The following NOL4L variants were observed in gnomAD, a reference collection of about 807,000 sequenced individuals.
NOL4L encodes nucleolar protein 4-like.
A neutral mutation model predicts 64.5 loss-of-function variants in NOL4L; 7 were observed. That is an observed-to-expected ratio of 0.11 (90% CI 0.06 to 0.20). The LOEUF is 0.20. NOL4L is among the 10% of genes least tolerant of loss of function. NOL4L has a pLI of 1.00. For missense variants in NOL4L, 680 were observed against 967.1 expected (o/e 0.70, Z 3.94); for synonymous variants, 413 against 401.0 (o/e 1.03, Z -0.36).
chr20:32,569,357 G>A (rs1979625958), intron 1 of NOL4L, among the ~76,000 whole-genome samples: 1 of 152,202 alleles, frequency 6.6e-6, no homozygotes, highest in Admixed American at 6.5e-5. Context: ...AGAAGCCACA[G>A]GAGAGTTTTG....
At chr20:32,582,481 C>T (rs1253629376) in intron 1 of NOL4L, among the ~76,000 whole-genome samples, 1 of 152,088 alleles carries the variant, frequency 6.6e-6, no homozygotes, top group East Asian at 1.9e-4. Flanking sequence ...GGGTGCTCAG[C>T]CTCTACAGCT....
chr20:32,464,877 CCTT>C lies in NOL4L; in HGVS notation c.842-8485_842-8483del, dbSNP rs1331829187. On this transcript the variant is annotated intron_variant, in intron 5 of 10. Coordinates refer to ENST00000621426, the MANE Select transcript of NOL4L (RefSeq NM_001256798.2). The surrounding 1 kb of genome is among the most constrained non-coding windows in gnomAD (Gnocchi z 5.6). ...GTGTTATCAGAGCTGAGATATTTCA[CCTT>C]CTTCTTTCCTACGGAGCCGCTGAGA... 239 of 423,034 alleles carry C rather than the reference CCTT, an allele frequency of 5.6e-4. 1 individual carries two copies. Among genetic ancestry groups the C allele is most frequent in the Middle Eastern group, 1.9e-3 (6 of 3,204 alleles). 26.2% of individuals were successfully genotyped at this position (423,034 alleles called of 1,614,324 possible).
rs1650688864 is a variant in NOL4L at position 32,537,177 on chromosome 20, C to T, written c.322-9264G>A. The T allele has an allele frequency of 8.6e-6, 8 of 932,322 alleles. No individual in the cohort carries two copies. The South Asian group carries it at 4.0e-4, about 46-fold the overall frequency. The allele number at this position is 932,322 out of a possible 1,614,324, so 57.8% of individuals were successfully genotyped here. On this transcript the variant is annotated intron_variant, in intron 1 of 10. Coordinates refer to ENST00000621426, the MANE Select transcript of NOL4L (RefSeq NM_001256798.2). ...AGGCGCCGTGCCAAGCCTGATCTCC[C>T]GTAGTCCTCACAGACCCTCCGCGGT...
At chr20:32,535,695 G>A in intron 1 of NOL4L, 2 of 985,502 alleles carry the variant, frequency 2.0e-6, no homozygotes, top group South Asian at 9.4e-5. Flanking sequence ...CCTCCAAGCA[G>A]CTCTGAGTCT....
intron 4 of NOL4L, among the ~76,000 whole-genome samples, chr20:32,499,738 C>CAAAA (rs10692885): frequency 0.019 from 989 of 51,280 alleles, 83 homozygotes; most frequent in African/African-American, 0.076. Context: ...GACCTTGTCT[C>CAAAA]AAAAAAAAAA....
chr20:32,472,247 G>A (rs139978497), intron 5 of NOL4L, among the ~76,000 whole-genome samples: 84 of 152,338 alleles, frequency 5.5e-4, no homozygotes, highest in African/African-American at 1.9e-3. Context: ...AGCAGGTACC[G>A]ACAATGGGCC....
chr20:32,470,343 G>T (rs534315571), intron 5 of NOL4L, among the ~76,000 whole-genome samples: 2 of 152,246 alleles, frequency 1.3e-5, no homozygotes, highest in Non-Finnish European at 2.9e-5. Context: ...TGCAGGAGGC[G>T]CACTGGCTCA....
At chr20:32,554,342 A>T (rs906752681) in intron 1 of NOL4L, among the ~76,000 whole-genome samples, 2 of 147,204 alleles carry the variant, frequency 1.4e-5, no homozygotes, top group Non-Finnish European at 3.0e-5. Flanking sequence ...AAAAAAAAAA[A>T]GGAATGTATT....
Position 32,445,155 on chromosome 20 carries a change from T to G in NOL4L, c.*2441A>C, listed in dbSNP as rs938525034. ...CAATGGACTTTAACAACATATTCTT[T>G]CCTTTCTCTTGAAAACACATTGAAC... On this transcript the variant is annotated 3_prime_UTR_variant, in exon 11 of 11. Transcript: ENST00000621426. The G allele has an allele frequency of 6.6e-6, 1 of 152,234 alleles. No homozygotes were observed. Among genetic ancestry groups the G allele is most frequent in the Admixed American group, 6.5e-5 (1 of 15,288 alleles). The allele number at this position is 152,234 out of a possible 1,614,324, so 9.4% of individuals were successfully genotyped here.
At chr20:32,583,570 G>C (rs1568726699) in intron 1 of NOL4L, among the ~76,000 whole-genome samples, 1 of 149,914 alleles carries the variant, frequency 6.7e-6, no homozygotes, top group Non-Finnish European at 1.5e-5. Flanking sequence ...GGCCCGACCG[G>C]GCCGGGGGCG....
At chr20:32,532,353 T>C in intron 1 of NOL4L, 1 of 985,408 alleles carries the variant, frequency 1.0e-6, no homozygotes, top group Non-Finnish European at 1.2e-6. Flanking sequence ...GCCACCTGGA[T>C]TCCATGTGTG....
At chr20:32,578,531 G>A (rs574737722) in intron 1 of NOL4L, among the ~76,000 whole-genome samples, 1 of 152,342 alleles carries the variant, frequency 6.6e-6, no homozygotes, top group African/African-American at 2.4e-5. Context: ...GACTACGGGT[G>A]CGTGCCAACA....
chr20:32,466,117 A>G (rs1262214684), intron 5 of NOL4L, among the ~76,000 whole-genome samples: 2 of 151,516 alleles, frequency 1.3e-5, no homozygotes, highest in South Asian at 2.1e-4. Flanking sequence ...ACAGGTGCCC[A>G]TCACCACGCC....
intron 1 of NOL4L, among the ~76,000 whole-genome samples, chr20:32,534,693 C>A (rs1468134507): frequency 6.6e-6 from 1 of 151,744 alleles, no homozygotes; most frequent in African/African-American, 2.4e-5. Flanking sequence ...TCCCCCCACC[C>A]CCCGCCGCCA....
In NOL4L at chr20:32,574,956, G is replaced by A. The variant is rs568119480; in HGVS notation, c.321+9614C>T. ...TCCCAGGGTTGCCTGCGACCCTCTAGCCTCCCTCACCCCACTCCCACCTCA... is the reference window on the plus strand; with the variant it reads ...TCCCAGGGTTGCCTGCGACCCTCTAACCTCCCTCACCCCACTCCCACCTCA... On this transcript the variant is annotated intron_variant, in intron 1 of 10. Coordinates refer to ENST00000621426, the MANE Select transcript of NOL4L (RefSeq NM_001256798.2). Among the ~76,000 whole-genome samples, 49 of 152,116 alleles carry A rather than the reference G, an allele frequency of 3.2e-4. No individual in the cohort carries two copies. In the South Asian group the frequency reaches 8.9e-3, roughly 28 times the overall value.
chr20:32,534,699 C>T lies in NOL4L; in HGVS notation c.322-6786G>A, dbSNP rs915892076. ...GACCCCCACTCCCCCCACCCCCCGC[C>T]GCCAGGAGGTCTCTACAGAAAATGC... On this transcript the variant is annotated intron_variant, in intron 1 of 10. Coordinates refer to ENST00000621426, the MANE Select transcript of NOL4L (RefSeq NM_001256798.2). 4.0e-5 allele frequency among the ~76,000 whole-genome samples: 6 copies of T among 151,650 alleles called. No homozygotes were observed. In the East Asian group the frequency reaches 5.8e-4, roughly 15 times the overall value.
At chr20:32,507,677 C>T (rs1431705992) in intron 4 of NOL4L, among the ~76,000 whole-genome samples, 1 of 152,066 alleles carries the variant, frequency 6.6e-6, no homozygotes, top group Non-Finnish European at 1.5e-5. Context: ...TTTTCTTACC[C>T]AAAGTTTTCA....
At chr20:32,490,440 T>A (rs1292919042) in intron 4 of NOL4L, among the ~76,000 whole-genome samples, 1 of 152,096 alleles carries the variant, frequency 6.6e-6, no homozygotes, top group Non-Finnish European at 1.5e-5. Flanking sequence ...TAGGGAGGCA[T>A]CCGGCTGGAA....
At chr20:32,560,737 C>T (rs929156315) in intron 1 of NOL4L, among the ~76,000 whole-genome samples, 1 of 152,252 alleles carries the variant, frequency 6.6e-6, no homozygotes, top group Non-Finnish European at 1.5e-5. Flanking sequence ...CCCAGCCCTC[C>T]AGAACCTGTG....
Sources: allele counts gnomAD v4.1 joint callset (sites outside exome capture counted in the v4.1 genomes callset), GRCh38; gene constraint gnomAD v4.1.1; non-coding constraint Gnocchi (gnomAD v3.1); transcripts MANE v1.5; gene names NCBI Gene and HGNC (gene_info 2026-07-23, HGNC 2026-07-21).